Variants in SLC6A4 observed in about 807,000 individuals in gnomAD.
SLC6A4 encodes sodium-dependent serotonin transporter.
Under a neutral mutation model 73.4 loss-of-function variants are expected in SLC6A4, and 22 were observed. That is an observed-to-expected ratio of 0.30 (90% CI 0.21 to 0.43). The LOEUF is 0.43. Among genes scored for constraint, SLC6A4 ranks in the 20% least tolerant of loss-of-function variants. The probability of loss-of-function intolerance (pLI) is 1.00; values close to 1 mark genes in which losing one functional copy is unlikely to be tolerated. For synonymous variants in SLC6A4, 270 were observed against 315.5 expected, an observed-to-expected ratio of 0.86 and a Z score of 1.53; for missense variants, 593 against 808.5, an observed-to-expected ratio of 0.73 and a Z score of 3.23.
In SLC6A4 at chr17:30,203,201, A is replaced by T; in HGVS notation, c.1789T>A (p.Leu597Met). 1 of 1,614,026 alleles carries T rather than the reference A, an allele frequency of 6.2e-7. No homozygotes were observed. The highest frequency in any genetic ancestry group is 1.1e-5 in the South Asian group (1 of 91,082). The stretch of plus-strand genomic sequence containing the variant: ...TTAAATGTCCCTGGAGTGATGATCA[A>T]CCGATAAGCTATATATGTGGGGATG... The part of the protein sequence containing the change: ...ICIPTYIAYR[L>M]IITPGTFKER... The change falls in exon 14 of 15, where the codon TTG (leucine) becomes ATG (methionine). Residue 597 changes from leucine (L) to methionine (M), a missense_variant. Transcript: ENST00000650711.
intron 4 of SLC6A4, 109 bp downstream of exon 4, chr17:30,218,688 A>G: frequency 2.7e-6 from 3 of 1,130,552 alleles, no homozygotes; most frequent in Non-Finnish European, 3.9e-6. Context: ...TCTCCCAGGG[A>G]TGCCTAAGGC....
At position 30,235,142 on chromosome 17, in the gene SLC6A4, C is replaced by T. The variant is rs916855706; in HGVS notation, c.-221+471G>A. ...ACTTAGGCGCCACTCAGAGATTTCT[C>T]TAGCTGTCTGGGCATTTGTGTCAAC... On this transcript the variant is annotated intron_variant, in intron 1 of 14. Transcript: ENST00000650711. The surrounding 1 kb of genome is among the most constrained non-coding windows in gnomAD (Gnocchi z 4.5). Among the ~76,000 whole-genome samples, 24 of 152,176 alleles carry T rather than the reference C, an allele frequency of 1.6e-4. No individual in the cohort carries two copies. Among genetic ancestry groups the T allele is most frequent in the African/African-American group, 5.8e-4 (24 of 41,430 alleles).
rs1041469645 is a variant in SLC6A4, at chr17:30,198,088, C to T, written c.*368G>A. The T allele has an allele frequency of 4.8e-6, 1 of 208,320 alleles. No individual in the cohort carries two copies. Among genetic ancestry groups the T allele is most frequent in the African/African-American group, 2.3e-5 (1 of 43,584 alleles). The allele number at this position is 208,320 out of a possible 1,614,324, so 12.9% of individuals were successfully genotyped here. On this transcript the variant is annotated 3_prime_UTR_variant, in exon 15 of 15. Transcript: ENST00000650711. ...TCATGAACAGTGAAACCTTTAGAAG[C>T]AAACAGATATCAGATACCAATGATC...
chr17:30,226,865 T>G (rs1480791013), intron 1 of SLC6A4, among the ~76,000 whole-genome samples: 1 of 32,642 alleles, frequency 3.1e-5, no homozygotes, highest in African/African-American at 8.4e-4. Flanking sequence ...AGAGTGAGAC[T>G]CTGTCTCAAA....
intron 1 of SLC6A4, among the ~76,000 whole-genome samples, chr17:30,231,179 G>T (rs1485052360): frequency 6.6e-6 from 1 of 152,074 alleles, no homozygotes; most frequent in African/African-American, 2.4e-5. Context: ...GTACAAGAAG[G>T]TCCTTGTTTG....
intron 12 of SLC6A4, 74 bp from the exon 13 acceptor site, chr17:30,207,906 T>C: frequency 1.8e-6 from 2 of 1,101,760 alleles, no homozygotes; most frequent in Non-Finnish European, 2.7e-6. Context: ...CCTGATTCTC[T>C]GGGAGAGTCA....
At chr17:30,215,748 G>A (rs200060491) in intron 7 of SLC6A4, 34 bp from the exon 8 acceptor site, 5 of 1,578,642 alleles carry the variant, frequency 3.2e-6, no homozygotes, top group Non-Finnish European at 4.4e-6. Flanking sequence ...CATGGGGTGA[G>A]GGGGAGACAC....
Position 30,225,590 on chromosome 17 carries a change from C to T in SLC6A4, c.-220-2675G>A, listed in dbSNP as rs554715138. Among the ~76,000 whole-genome samples, 3 of 152,328 alleles carry T rather than the reference C, an allele frequency of 2.0e-5. No homozygotes were observed. The East Asian group carries it at 5.8e-4, about 29-fold the overall frequency. ...AGGTCAATATTACAGCTGTGACCTT[C>T]TCCAGGCAGTCTTTGAGTTTCTCCA... On this transcript the variant is annotated intron_variant, in intron 1 of 14. Coordinates refer to ENST00000650711, the MANE Select transcript of SLC6A4 (RefSeq NM_001045.6).
Position 30,194,874 on chromosome 17 carries a change from T to C in SLC6A4, c.*3582A>G, listed in dbSNP as rs1244968789. On this transcript the variant is annotated 3_prime_UTR_variant, in exon 15 of 15. Transcript: ENST00000650711. ...TTCTCTCCCCCAAACGACAAAATTC[T>C]TCTTAGTTCAGTAGACATTCAAACT... 1 of 152,220 alleles carries C rather than the reference T, an allele frequency of 6.6e-6. No individual in the cohort carries two copies. Among genetic ancestry groups the C allele is most frequent in the East Asian group, 1.9e-4 (1 of 5,202 alleles). 9.4% of individuals were successfully genotyped at this position (152,220 alleles called of 1,614,324 possible).
chr17:30,234,854 A>G (rs1907221201), intron 1 of SLC6A4, among the ~76,000 whole-genome samples: 1 of 152,234 alleles, frequency 6.6e-6, no homozygotes, highest in Non-Finnish European at 1.5e-5. Context: ...GAAAAGGAAC[A>G]ATTCAATATG....
chr17:30,230,305 T>C (rs1907074555), intron 1 of SLC6A4, among the ~76,000 whole-genome samples: 1 of 152,178 alleles, frequency 6.6e-6, no homozygotes, highest in Non-Finnish European at 1.5e-5. Flanking sequence ...CTTGAGAAAC[T>C]CAAAACAGAT....
chr17:30,201,992 T>C (rs1220167037), intron 14 of SLC6A4, among the ~76,000 whole-genome samples: 1 of 152,002 alleles, frequency 6.6e-6, no homozygotes, highest in Non-Finnish European at 1.5e-5. Flanking sequence ...GTCAGGAGGC[T>C]GAGGTGAAAG....
rs200197610 is a variant in SLC6A4 at position 30,198,194 on chromosome 17, C to T, written c.*262G>A. The T allele has an allele frequency of 1.3e-5, 5 of 388,012 alleles. No homozygotes were observed. The highest frequency in any genetic ancestry group is 1.0e-4 in the African/African-American group (5 of 48,340). The allele number at this position is 388,012 out of a possible 1,614,324, so 24.0% of individuals were successfully genotyped here. ...ACTGATGATAGGGTGGTTTTCATCACCTCCATCCACATCCTCACACGTCCA... is the reference window on the plus strand; with the variant it reads ...ACTGATGATAGGGTGGTTTTCATCATCTCCATCCACATCCTCACACGTCCA... On this transcript the variant is annotated 3_prime_UTR_variant, in exon 15 of 15. Transcript: ENST00000650711.
chr17:30,225,175 A>G (rs1906890875), intron 1 of SLC6A4, among the ~76,000 whole-genome samples: 1 of 151,888 alleles, frequency 6.6e-6, no homozygotes, highest in Non-Finnish European at 1.5e-5. Flanking sequence ...CTCATCATAG[A>G]ATCTGGGGTG....
At chr17:30,202,337 C>T (rs1021215044) in intron 14 of SLC6A4, among the ~76,000 whole-genome samples, 1 of 152,164 alleles carries the variant, frequency 6.6e-6, no homozygotes, top group Non-Finnish European at 1.5e-5. Context: ...GTTGGCCAGG[C>T]TGGTCTTGAA....
rs1312487384 is a variant in SLC6A4, at chr17:30,230,104, A to AGAAGAAGAAGAAGAAGAAGAAGAG, written c.-221+5508_-221+5509insCTCTTCTTCTTCTTCTTCTTCTTC. Among the ~76,000 whole-genome samples, 5 of 119,916 alleles carry AGAAGAAGAAGAAGAAGAAGAAGAG rather than the reference A, an allele frequency of 4.2e-5. No individual in the cohort carries two copies. In the East Asian group the frequency reaches 6.9e-4, roughly 16 times the overall value. 78.7% of individuals were successfully genotyped at this position (119,916 alleles called of 152,430 possible). The stretch of plus-strand genomic sequence containing the variant: ...AAGAAGAAGAAGAAGAAGAGGAGGA[A>AGAAGAAGAAGAAGAAGAAGAAGAG]GAGGAAGAGGAAGAGGAAGAGGAGG... On this transcript the variant is annotated intron_variant, in intron 1 of 14. Transcript: ENST00000650711.
intron 3 of SLC6A4, 137 bp downstream of exon 3, chr17:30,221,479 G>A (rs1218554395): frequency 3.3e-5 from 4 of 121,150 alleles, no homozygotes; most frequent in African/African-American, 8.3e-5. Context: ...CAGCCCACCC[G>A]GGTCACAGCC....
In SLC6A4 at chr17:30,214,337, G is replaced by A. The variant is rs1372556903; in HGVS notation, c.1076+1274C>T. On this transcript the variant is annotated intron_variant, in intron 8 of 14. Transcript: ENST00000650711. ...CTCGGGAGGCTGAGGCAGGAGAATC[G>A]CTTGAACCCGGGAGGCAGAGGTTGT... Among the ~76,000 whole-genome samples the A allele has an allele frequency of 5.3e-4, 75 of 141,588 alleles. 1 individual carries two copies. In the Admixed American group the frequency reaches 5.8e-3, roughly 11 times the overall value. 92.9% of individuals were successfully genotyped at this position (141,588 alleles called of 152,430 possible).
chr17:30,200,400 G>GTTTATGA (rs1353022783), intron 14 of SLC6A4, among the ~76,000 whole-genome samples: 1 of 152,222 alleles, frequency 6.6e-6, no homozygotes, highest in Non-Finnish European at 1.5e-5. Flanking sequence ...GTACTCATTA[G>GTTTATGA]GGACCATTTT....
Sources: allele counts gnomAD v4.1 joint callset (sites outside exome capture counted in the v4.1 genomes callset), GRCh38; gene constraint gnomAD v4.1.1; non-coding constraint Gnocchi (gnomAD v3.1); transcripts MANE v1.5; gene names NCBI Gene and HGNC (gene_info 2026-07-23, HGNC 2026-07-21).